Variants in SCN8A observed in about 807,000 individuals in gnomAD.
The protein encoded by SCN8A is sodium voltage-gated channel alpha subunit 8.
Under a neutral mutation model 184.1 loss-of-function variants are expected in SCN8A, and 30 were observed. The ratio of observed to expected loss-of-function variants is 0.16; its 90% CI spans 0.12 to 0.22. The LOEUF (loss-of-function observed/expected upper bound fraction) is 0.22, where lower values mean the gene tolerates loss of function less well. SCN8A is among the 10% of genes least tolerant of loss of function. The pLI is 1.00. For synonymous variants in SCN8A, 852 were observed against 907.0 expected, an observed-to-expected ratio of 0.94 and a Z score of 1.09; for missense variants, 1,057 against 2,498.9, an observed-to-expected ratio of 0.42 and a Z score of 12.30.
intron 1 of SCN8A, among the ~76,000 whole-genome samples, chr12:51,660,062 A>G (rs1940897041): frequency 6.6e-6 from 1 of 152,200 alleles, no homozygotes; most frequent in Non-Finnish European, 1.5e-5. Context: ...ACTGTAACAG[A>G]GAAATTTCAG....
rs754129106 is a variant in SCN8A at position 51,684,315 on chromosome 12, A to G, written c.395+23A>G. 117 of 1,109,644 alleles carry G rather than the reference A, an allele frequency of 1.1e-4. 1 individual carries two copies. Among genetic ancestry groups the G allele is most frequent in the Non-Finnish European group, 1.6e-4 (114 of 719,864 alleles). 68.7% of individuals were successfully genotyped at this position (1,109,644 alleles called of 1,614,324 possible). A position where few individuals can be genotyped will look rare whatever the true frequency, so the allele number is the denominator to read the frequency against. On this transcript the variant is annotated intron_variant, in intron 3 of 26. Coordinates refer to ENST00000627620, the MANE Select transcript of SCN8A (RefSeq NM_001330260.2). ...TTCATATCCTTTTCGGCAAATGTGG[A>G]GTGAGTGCGGCAATTGCATGGTTGC...
chr12:51,669,982 G>A (rs1054952415), intron 2 of SCN8A, among the ~76,000 whole-genome samples: 7 of 152,106 alleles, frequency 4.6e-5, no homozygotes, highest in Non-Finnish European at 8.8e-5. Flanking sequence ...GCTGCTTTCT[G>A]TTTTAAATAA....
At chr12:51,593,960 A>G (rs1464389383) in intron 1 of SCN8A, among the ~76,000 whole-genome samples, 1 of 152,204 alleles carries the variant, frequency 6.6e-6, no homozygotes, top group Non-Finnish European at 1.5e-5. Context: ...ACAGGAAGTA[A>G]TCCGATAGCT....
intron 1 of SCN8A, among the ~76,000 whole-genome samples, chr12:51,624,393 G>C (rs532353355): frequency 1.7e-3 from 263 of 152,042 alleles, no homozygotes; most frequent in African/African-American, 5.8e-3. Context: ...TGTGTTTTTT[G>C]GCTGCATAAA....
In SCN8A at chr12:51,687,125, C is replaced by G. The variant is rs1941432036; in HGVS notation, c.520C>G (p.Leu174Val). 1 of 1,613,308 alleles carries G rather than the reference C, an allele frequency of 6.2e-7. No homozygotes were observed. The highest frequency in any genetic ancestry group is 1.7e-5 in the Admixed American group (1 of 59,960). Residue 174 changes from leucine to valine, a missense_variant, in exon 5 of 27, where the codon CTA (leucine) becomes GTA (valine). Coordinates refer to ENST00000627620, the MANE Select transcript of SCN8A (RefSeq NM_001330260.2). ...CACAGGGATTTATACATTTGAATCA[C>G]TAGTGAAAATCATTGCAAGAGGTTT... Reference protein sequence around the residue: ...TFTGIYTFESLVKIIARGFCI... With the variant: ...TFTGIYTFESVVKIIARGFCI...
chr12:51,785,623 A>G (rs1938063439), intron 21 of SCN8A, among the ~76,000 whole-genome samples: 1 of 152,200 alleles, frequency 6.6e-6, no homozygotes. Flanking sequence ...AAAGTTGAAA[A>G]CAACCCAGAA....
At chr12:51,704,234 A>G in intron 9 of SCN8A, among the ~76,000 whole-genome samples, 1 of 152,048 alleles carries the variant, frequency 6.6e-6, no homozygotes, top group East Asian at 1.9e-4. Context: ...AAACTGTGTA[A>G]TAGTGGGTTG....
intron 26 of SCN8A, among the ~76,000 whole-genome samples, chr12:51,805,588 A>G (rs898148297): frequency 6.6e-6 from 1 of 152,156 alleles, no homozygotes; most frequent in Non-Finnish European, 1.5e-5. Context: ...GAATGATGAA[A>G]GAGGAAGAAA....
intron 2 of SCN8A, among the ~76,000 whole-genome samples, chr12:51,678,253 TTG>T (rs1941260343): frequency 6.6e-6 from 1 of 152,174 alleles, no homozygotes; most frequent in Non-Finnish European, 1.5e-5. Context: ...GGGAAAAGCA[TTG>T]TGTGACGCAG....
chr12:51,782,883 T>C (rs1268797841), intron 21 of SCN8A, among the ~76,000 whole-genome samples: 1 of 152,210 alleles, frequency 6.6e-6, no homozygotes, highest in African/African-American at 2.4e-5. Flanking sequence ...GAAAGTAGTT[T>C]AGGAGCTTGG....
At chr12:51,696,929 C>T (rs908742679) in intron 6 of SCN8A, among the ~76,000 whole-genome samples, 7 of 151,198 alleles carry the variant, frequency 4.6e-5, no homozygotes, top group Non-Finnish European at 1.0e-4. Context: ...ATCCCAGTTA[C>T]TCTAGAGGCT....
At chr12:51,696,123 C>T (rs1430579433) in intron 6 of SCN8A, among the ~76,000 whole-genome samples, 1 of 152,174 alleles carries the variant, frequency 6.6e-6, no homozygotes, top group South Asian at 2.1e-4. Context: ...CAGCTCATTT[C>T]TCAATTCAGT....
At chr12:51,802,236 T>C (rs1938574860) in intron 26 of SCN8A, among the ~76,000 whole-genome samples, 1 of 152,094 alleles carries the variant, frequency 6.6e-6, no homozygotes, top group Non-Finnish European at 1.5e-5. Flanking sequence ...GAGACCACTG[T>C]TGCCTCAAGC....
chr12:51,602,621 ACAAT>A (rs367598313), intron 1 of SCN8A, among the ~76,000 whole-genome samples: 2,211 of 152,252 alleles, frequency 0.015, 58 homozygotes, highest in African/African-American at 0.05. Flanking sequence ...ATATTTTACC[ACAAT>A]CAATCAATCA....
chr12:51,630,850 A>G (rs1355176159), intron 1 of SCN8A, among the ~76,000 whole-genome samples: 1 of 152,136 alleles, frequency 6.6e-6, no homozygotes, highest in East Asian at 1.9e-4. Context: ...ATGTTCTCTG[A>G]ACTGTTTGTT....
At chr12:51,712,877 C>A (rs1941903483) in intron 11 of SCN8A, 2 of 1,538,828 alleles carry the variant, frequency 1.3e-6, no homozygotes, top group African/African-American at 1.4e-5. Context: ...CCTCTTCCAC[C>A]AAAGTTTCCA....
At position 51,719,591 on chromosome 12, in the gene SCN8A, G is replaced by A. The variant is rs1159839235; in HGVS notation, c.1636-1955G>A. On this transcript the variant is annotated intron_variant, in intron 11 of 26. Coordinates refer to ENST00000627620, the MANE Select transcript of SCN8A (RefSeq NM_001330260.2). ...TCCCTCCTGTAATCCCAGCACTTTG[G>A]GAGGCCAAGGCAGGAGGATCACTTG... Among the ~76,000 whole-genome samples the A allele has an allele frequency of 4.4e-5, 4 of 91,242 alleles. No individual in the cohort carries two copies. The East Asian group carries it at 1.2e-3, about 27-fold the overall frequency. 59.9% of individuals were successfully genotyped at this position (91,242 alleles called of 152,430 possible).
chr12:51,713,646 C>T (rs967929103), intron 11 of SCN8A: 11 of 583,710 alleles, frequency 1.9e-5, no homozygotes, highest in Middle Eastern at 4.2e-4. Flanking sequence ...CCTGCTCACT[C>T]ATCTCCGACC....
chr12:51,663,407 C>G (rs753660516), intron 2 of SCN8A, among the ~76,000 whole-genome samples: 18 of 152,200 alleles, frequency 1.2e-4, no homozygotes, highest in Middle Eastern at 3.4e-3. Context: ...TACAGCCTCC[C>G]TCTCTCAAAC....
Sources: allele counts gnomAD v4.1 joint callset (sites outside exome capture counted in the v4.1 genomes callset), GRCh38; gene constraint gnomAD v4.1.1; transcripts MANE v1.5; gene names NCBI Gene and HGNC (gene_info 2026-07-23, HGNC 2026-07-21).